The following RAB37 variants were observed in gnomAD, a reference collection of about 807,000 sequenced individuals.
RAB37 encodes ras-related protein Rab-37.
Under a neutral mutation model 33.1 loss-of-function variants are expected in RAB37, and 29 were observed. The ratio of observed to expected loss-of-function variants is 0.88; its 90% CI spans 0.65 to 1.20. The LOEUF (loss-of-function observed/expected upper bound fraction) is 1.20. Ranked by LOEUF, RAB37 falls within the 50% of genes most tolerant of loss-of-function variation. The probability of loss-of-function intolerance (pLI) is 0.00; values close to 1 mark genes in which losing one functional copy is unlikely to be tolerated. For missense variants in RAB37, 299 were observed against 301.1 expected (o/e 0.99, Z 0.05); for synonymous variants, 128 against 119.5 (o/e 1.07, Z -0.47).
rs1485284424 is a variant in RAB37, at chr17:74,742,195, G to C, written c.205-59G>C. The C allele has an allele frequency of 2.6e-5, 41 of 1,595,772 alleles. No individual in the cohort carries two copies. Among genetic ancestry groups the C allele is most frequent in the Non-Finnish European group, 3.3e-5 (39 of 1,170,524 alleles). On this transcript the variant is annotated intron_variant, in intron 2 of 8. Transcript: ENST00000392613. The surrounding 1 kb of genome is among the most constrained non-coding windows in gnomAD (Gnocchi z 4.0). ...GGAGAGGGAACAAGACAGGACGTCT[G>C]CAGAGCTGAGGAGCCACATGACTCC... is the stretch of plus-strand genomic sequence containing the variant.
At chr17:74,735,014 GAAGGAAGA>G (rs1374646535), upstream of RAB37, among the ~76,000 whole-genome samples, 6 of 64,230 alleles carry the variant, frequency 9.3e-5, no homozygotes, top group South Asian at 5.7e-4. Context: ...AGAAAGGAAG[GAAGGAAGA>G]AAGAAAGAAA....
chr17:74,711,307 C>G (rs2143936007), intron 1 of RAB37, among the ~76,000 whole-genome samples: 1 of 152,232 alleles, frequency 6.6e-6, no homozygotes, highest in East Asian at 1.9e-4. Flanking sequence ...CACTCCCACT[C>G]CCAACACGAC....
At chr17:74,711,301 C>G (rs2033944291) in intron 1 of RAB37, among the ~76,000 whole-genome samples, 3 of 152,112 alleles carry the variant, frequency 2.0e-5, no homozygotes, top group South Asian at 4.1e-4. Flanking sequence ...CCAAACCACT[C>G]CCACTCCCAA....
At chr17:74,698,257 A>T (rs746798383) in intron 1 of RAB37, 32 of 799,562 alleles carry the variant, frequency 4.0e-5, no homozygotes, top group Non-Finnish European at 6.2e-5. Context: ...GGCCTTTGGG[A>T]CTGTGCCATT....
At chr17:74,675,217 A>T (rs1005675932) in intron 1 of RAB37, among the ~76,000 whole-genome samples, 1 of 152,068 alleles carries the variant, frequency 6.6e-6, no homozygotes, top group East Asian at 1.9e-4. Context: ...AGGATGAATC[A>T]TGAGGTCAGG....
intron 1 of RAB37, chr17:74,677,265 G>C (rs1237282391): frequency 6.6e-6 from 1 of 152,134 alleles, no homozygotes; most frequent in Non-Finnish European, 1.5e-5. Context: ...TAATCCTAGG[G>C]AAAGGTCTGG....
At chr17:74,734,948 G>GAA (rs1361464444), upstream of RAB37, among the ~76,000 whole-genome samples, 1 of 110,176 alleles carries the variant, frequency 9.1e-6, no homozygotes, top group East Asian at 2.6e-4. Context: ...AAGAAAGAAA[G>GAA]AGAGAAAGAA....
At chr17:74,701,962 CAGTGAGCCAAGATGGCACCATGCA>C (rs2033091462) in intron 1 of RAB37, among the ~76,000 whole-genome samples, 7 of 151,198 alleles carry the variant, frequency 4.6e-5, no homozygotes, top group Admixed American at 4.6e-4. Flanking sequence ...GCAGAGGTTG[CAGTGAGCCAAGATGGCACCATGCA>C]CTCAAGTCTG....
At chr17:74,685,692 T>C (rs980958231) in intron 1 of RAB37, among the ~76,000 whole-genome samples, 28 of 152,100 alleles carry the variant, frequency 1.8e-4, no homozygotes, top group African/African-American at 6.5e-4. Context: ...CCCAAGGTCC[T>C]TAGGAAAGGG....
chr17:74,698,262 G>A (rs2032699235), intron 1 of RAB37: 1 of 830,778 alleles, frequency 1.2e-6, no homozygotes, highest in African/African-American at 1.7e-5. Context: ...TTGGGACTGT[G>A]CCATTTCCTG....
Position 74,696,988 on chromosome 17 carries a change from C to T in RAB37, c.72+25330C>T, listed in dbSNP as rs144299912. ...TGGAGTTTCTCTCTTGTCACCCATGCCGGAGGGCAATGGCACCATCTTGGC... is the reference window on the plus strand; with the variant it reads ...TGGAGTTTCTCTCTTGTCACCCATGTCGGAGGGCAATGGCACCATCTTGGC... On this transcript the variant is annotated intron_variant, in intron 1 of 7. Transcript: ENST00000340415. Among the ~76,000 whole-genome samples, 225 of 152,236 alleles carry T rather than the reference C, an allele frequency of 1.5e-3. 4 individuals carry two copies. The Middle Eastern group carries it at 0.024, about 16-fold the overall frequency.
At chr17:74,719,003 A>G (rs2034204564) in intron 1 of RAB37, among the ~76,000 whole-genome samples, 1 of 152,224 alleles carries the variant, frequency 6.6e-6, no homozygotes, top group South Asian at 2.1e-4. Flanking sequence ...TCTGTGGGGG[A>G]AAAGGGTCTG....
chr17:74,702,176 T>A (rs2033114405), intron 1 of RAB37, among the ~76,000 whole-genome samples: 1 of 152,222 alleles, frequency 6.6e-6, no homozygotes, highest in South Asian at 2.1e-4. Context: ...ACTTGGCACT[T>A]GGCAGATCTA....
intron 1 of RAB37, among the ~76,000 whole-genome samples, chr17:74,715,477 A>G (rs1459885271): frequency 1.3e-5 from 2 of 152,228 alleles, no homozygotes; most frequent in Non-Finnish European, 2.9e-5. Flanking sequence ...CCAGGGCACC[A>G]TGCAGATACT....
upstream of RAB37, among the ~76,000 whole-genome samples, chr17:74,734,535 C>T (rs2034437432): frequency 6.6e-6 from 1 of 152,160 alleles, no homozygotes; most frequent in Admixed American, 6.5e-5. Flanking sequence ...TCCACCATTT[C>T]CCTCCTGCAA....
upstream of RAB37, among the ~76,000 whole-genome samples, chr17:74,733,443 A>T (rs796746344): frequency 2.0e-3 from 1 of 500 alleles, no homozygotes; most frequent in East Asian, 0.05. Context: ...TATGTGTGTG[A>T]TGTGAGGTGT....
At chr17:74,741,890 G>A (rs146190179) in intron 2 of RAB37, among the ~76,000 whole-genome samples, 18 of 152,284 alleles carry the variant, frequency 1.2e-4, no homozygotes, top group South Asian at 1.0e-3. Flanking sequence ...CCAGGGGCTC[G>A]GTCACAGTCC....
chr17:74,722,456 T>C (rs2034255525), intron 1 of RAB37, among the ~76,000 whole-genome samples: 1 of 152,144 alleles, frequency 6.6e-6, no homozygotes, highest in South Asian at 2.1e-4. Flanking sequence ...AAACCTCAGT[T>C]TTGCTCTTAA....
chr17:74,692,250 C>T (rs542241389), intron 1 of RAB37, among the ~76,000 whole-genome samples: 7 of 152,036 alleles, frequency 4.6e-5, no homozygotes, highest in African/African-American at 7.3e-5. Flanking sequence ...TCTCTGTGGG[C>T]GCTTCTTGCT....
Sources: gnomAD v4.1 joint callset for allele counts (sites outside exome capture counted in the v4.1 genomes callset) on GRCh38, gnomAD v4.1.1 for gene constraint, Gnocchi (gnomAD v3.1) non-coding constraint, MANE v1.5 for transcripts, NCBI Gene and HGNC (gene_info 2026-07-23, HGNC 2026-07-21) for gene names.